The following TRPM3 variants were observed in gnomAD, a reference collection of about 807,000 sequenced individuals.
The protein encoded by TRPM3 is long transient receptor potential channel 3.
TRPM3 carries 77 observed loss-of-function variants against 181.2 expected under a neutral mutation model. The observed-to-expected ratio is 0.42, with a 90% CI of 0.35 to 0.51. TRPM3 has a LOEUF of 0.51. Ranked by LOEUF, TRPM3 falls within the 20% of genes least tolerant of loss-of-function variation. The probability of loss-of-function intolerance (pLI) is 0.01; values close to 1 mark genes in which losing one functional copy is unlikely to be tolerated. For missense variants in TRPM3, 1,759 were observed against 2,196.7 expected, an observed-to-expected ratio of 0.80 and a Z score of 3.98; for synonymous variants, 745 against 796.4, an observed-to-expected ratio of 0.94 and a Z score of 1.09.
chr9:71,324,725 AC>A (rs1425961352), intron 1 of TRPM3, among the ~76,000 whole-genome samples: 4 of 152,148 alleles, frequency 2.6e-5, no homozygotes, highest in African/African-American at 9.7e-5. Flanking sequence ...CTAAGTGTCG[AC>A]TGGCAGATAA....
chr9:70,862,757 A>C, intron 3 of TRPM3, 151 bp downstream of exon 3: 2 of 706,514 alleles, frequency 2.8e-6, no homozygotes, highest in Admixed American at 4.9e-5. Flanking sequence ...TGAGACACAC[A>C]GGGGCAGGGG....
chr9:71,017,834 T>C (rs1183006866), intron 1 of TRPM3, among the ~76,000 whole-genome samples: 1 of 151,834 alleles, frequency 6.6e-6, no homozygotes, highest in African/African-American at 2.4e-5. Flanking sequence ...AGATTTGACC[T>C]AACTGACATA....
chr9:70,771,742 C>T (rs1425438133), intron 7 of TRPM3, among the ~76,000 whole-genome samples: 1 of 152,160 alleles, frequency 6.6e-6, no homozygotes, highest in African/African-American at 2.4e-5. Context: ...CTCTTCTCCC[C>T]TCCCCTCAGT....
chr9:71,220,407 G>A (rs2080167643), intron 1 of TRPM3, among the ~76,000 whole-genome samples: 1 of 150,470 alleles, frequency 6.6e-6, no homozygotes, highest in Non-Finnish European at 1.5e-5. Flanking sequence ...CTTACCAGTT[G>A]ACCTAAATAG....
chr9:70,758,232 T>G (rs181882360), intron 8 of TRPM3, among the ~76,000 whole-genome samples: 1 of 152,236 alleles, frequency 6.6e-6, no homozygotes, highest in African/African-American at 2.4e-5. Context: ...TATTCACAAT[T>G]GCTACAAAGA....
At chr9:71,120,964 G>A (rs1449793814) in intron 1 of TRPM3, among the ~76,000 whole-genome samples, 2 of 148,596 alleles carry the variant, frequency 1.3e-5, no homozygotes, top group Admixed American at 6.7e-5. Flanking sequence ...AGTGTGGTTC[G>A]CACCAGCCTC....
intron 1 of TRPM3, among the ~76,000 whole-genome samples, chr9:70,963,350 G>C (rs578064426): frequency 1.3e-5 from 2 of 152,164 alleles, no homozygotes; most frequent in Admixed American, 6.6e-5. Context: ...TTCAGTAAAA[G>C]CAGCTAGACA....
chr9:71,417,945 A>AT (rs1041652100), intron 1 of TRPM3, among the ~76,000 whole-genome samples: 1 of 151,994 alleles, frequency 6.6e-6, no homozygotes, highest in African/African-American at 2.4e-5. Context: ...TAAGTTGATG[A>AT]TTTTTTAAGT....
intron 1 of TRPM3, among the ~76,000 whole-genome samples, chr9:71,284,725 C>T (rs2060175309): frequency 6.6e-6 from 1 of 152,154 alleles, no homozygotes; most frequent in South Asian, 2.1e-4. Context: ...ACTAACTTTG[C>T]ACTTTACCAT....
intron 8 of TRPM3, among the ~76,000 whole-genome samples, chr9:70,755,697 C>A (rs1305945086): frequency 1.1e-4 from 16 of 152,090 alleles, no homozygotes. Flanking sequence ...GAATTTTCAA[C>A]CCAGAATTTC....
chr9:70,926,335 T>G (rs1216051212), intron 1 of TRPM3, among the ~76,000 whole-genome samples: 1 of 152,188 alleles, frequency 6.6e-6, no homozygotes, highest in South Asian at 2.1e-4. Flanking sequence ...GACATACTTA[T>G]CTGTGAAGTT....
At chr9:71,125,018 TG>T (rs759997744), upstream of TRPM3, among the ~76,000 whole-genome samples, 2 of 152,202 alleles carry the variant, frequency 1.3e-5, no homozygotes, top group East Asian at 3.9e-4. Flanking sequence ...ATGGATGTAG[TG>T]CACCTAGTGC....
chr9:70,828,046 A>T, intron 5 of TRPM3, 28 bp from the exon 6 acceptor site: 3 of 1,592,286 alleles, frequency 1.9e-6, no homozygotes, highest in Non-Finnish European at 2.6e-6. Context: ...GAAGAGGCAG[A>T]AGTCAGAAAA....
intron 1 of TRPM3, among the ~76,000 whole-genome samples, chr9:71,065,784 C>T (rs369252712): frequency 2.0e-5 from 3 of 152,178 alleles, no homozygotes; most frequent in African/African-American, 7.2e-5. Context: ...ACTCTTCACA[C>T]AGAGTCTAAT....
rs181705428 is a variant in TRPM3 at position 71,182,753 on chromosome 9, C to T, written c.183+263900G>A. Among the ~76,000 whole-genome samples, 355 of 152,156 alleles carry T rather than the reference C, an allele frequency of 2.3e-3. 3 individuals are homozygous for T. Among genetic ancestry groups the T allele is most frequent in the African/African-American group, 8.0e-3 (332 of 41,524 alleles). On this transcript the variant is annotated intron_variant, in intron 1 of 24. Transcript: ENST00000357533. ...CTTGGCTCATTGCAACCTCCAACGC[C>T]GTGGTTCAAGGGATTCTCCTGCCTC...
chr9:71,106,398 C>T (rs369622645), intron 1 of TRPM3, among the ~76,000 whole-genome samples: 12 of 152,084 alleles, frequency 7.9e-5, no homozygotes, highest in African/African-American at 2.9e-4. Context: ...GGAGTTCTTG[C>T]TCTGCATCCA....
intron 1 of TRPM3, among the ~76,000 whole-genome samples, chr9:71,238,511 C>T (rs1485056281): frequency 6.6e-6 from 1 of 152,158 alleles, no homozygotes; most frequent in Admixed American, 6.5e-5. Context: ...CTCAAGCTCC[C>T]ACTGCTCCAA....
intron 5 of TRPM3, among the ~76,000 whole-genome samples, chr9:70,838,464 G>T (rs930511667): frequency 3.3e-5 from 5 of 152,140 alleles, no homozygotes; most frequent in Non-Finnish European, 5.9e-5. Flanking sequence ...CTGAATTGTG[G>T]AAAAATAAAT....
intron 1 of TRPM3, among the ~76,000 whole-genome samples, chr9:70,956,296 CTTT>C (rs537484746): frequency 1.1e-4 from 11 of 97,152 alleles, no homozygotes; most frequent in East Asian, 3.1e-4. Flanking sequence ...AGAAATACAC[CTTT>C]TTTTTTTTTT....
Sources: allele counts gnomAD v4.1 joint callset (sites outside exome capture counted in the v4.1 genomes callset), GRCh38; gene constraint gnomAD v4.1.1; transcripts MANE v1.5; gene names NCBI Gene and HGNC (gene_info 2026-07-23, HGNC 2026-07-21).